The following DSCAML1 variants were observed in gnomAD, a reference collection of about 807,000 sequenced individuals.
DSCAML1 encodes the protein cell adhesion molecule DSCAML1.
Under a neutral mutation model 200.5 loss-of-function variants are expected in DSCAML1, and 38 were observed. The ratio of observed to expected loss-of-function variants is 0.19; its 90% CI spans 0.15 to 0.25. DSCAML1 has a LOEUF of 0.25. Ranked by LOEUF, DSCAML1 falls within the 10% of genes least tolerant of loss-of-function variation. The pLI, the probability that DSCAML1 is intolerant of heterozygous loss-of-function variation, is 1.00. For missense variants in DSCAML1, 2,223 were observed against 2,858.8 expected (o/e 0.78, Z 5.07); for synonymous variants, 1,215 against 1,165.0 (o/e 1.04, Z -0.87).
chr11:117,565,380 C>T (rs1940037), intron 3 of DSCAML1, among the ~76,000 whole-genome samples: 43,428 of 152,088 alleles, frequency 0.29, 6,405 homozygotes, highest in African/African-American at 0.31. Flanking sequence ...CTGTAAACTC[C>T]AGTGACCCTA....
chr11:117,592,760 A>T (rs749047119), intron 3 of DSCAML1, among the ~76,000 whole-genome samples: 4 of 152,208 alleles, frequency 2.6e-5, no homozygotes, highest in Non-Finnish European at 5.9e-5. Flanking sequence ...AGGCATACAG[A>T]GGTGATTCCA....
In DSCAML1 at chr11:117,440,835, C is replaced by T. The variant is rs147748451; in HGVS notation, c.3863-899G>A. Among the ~76,000 whole-genome samples the T allele has an allele frequency of 7.4e-3, 1,067 of 144,944 alleles. 17 individuals carry two copies. Among genetic ancestry groups the T allele is most frequent in the African/African-American group, 0.026 (1,003 of 38,670 alleles). On this transcript the variant is annotated intron_variant, in intron 21 of 32. Coordinates refer to ENST00000651296, the MANE Select transcript of DSCAML1 (RefSeq NM_020693.4). Reference sequence around the variant, plus strand: ...ACTCGGGAGGCTGAGGCGAGAGAATCGCTTGAACCTGGGAGGTGGAGGTTG... The same window carrying T: ...ACTCGGGAGGCTGAGGCGAGAGAATTGCTTGAACCTGGGAGGTGGAGGTTG...
At chr11:117,752,888 C>T (rs1372368829) in intron 3 of DSCAML1, among the ~76,000 whole-genome samples, 2 of 152,212 alleles carry the variant, frequency 1.3e-5, no homozygotes, top group African/African-American at 2.4e-5. Context: ...AGAGCCTGCG[C>T]ACAGGGGTGC....
intron 3 of DSCAML1, among the ~76,000 whole-genome samples, chr11:117,743,893 C>T (rs1048280106): frequency 1.3e-5 from 2 of 152,180 alleles, no homozygotes; most frequent in African/African-American, 2.4e-5. Flanking sequence ...GAGGAAAACT[C>T]GTCTATAAAC....
chr11:117,447,805 C>T (rs528681389), intron 20 of DSCAML1, among the ~76,000 whole-genome samples: 2 of 152,230 alleles, frequency 1.3e-5, no homozygotes, highest in African/African-American at 4.8e-5. Context: ...CAGTTTTGCA[C>T]TGTCACTGAT....
chr11:117,697,570 G>A (rs1372792251), intron 3 of DSCAML1, among the ~76,000 whole-genome samples: 3 of 152,022 alleles, frequency 2.0e-5, no homozygotes, highest in African/African-American at 7.3e-5. Context: ...ATGAAACTCT[G>A]TACCCATTAA....
chr11:117,504,824 G>A lies in DSCAML1; in HGVS notation c.2182+100C>T, dbSNP rs1034404198. On this transcript the variant is annotated intron_variant, in intron 10 of 32. Coordinates refer to ENST00000651296, the MANE Select transcript of DSCAML1 (RefSeq NM_020693.4). This position sits in a 1 kb window ranked among gnomAD's most constrained non-coding sequence, Gnocchi z 5.0. ...GCAGACCAGAGGACTCCCATCCAGG[G>A]ATAGGAGTTGCCTGCATGGAACAGG... 2 of 1,454,636 alleles carry A rather than the reference G, an allele frequency of 1.4e-6. No individual in the cohort carries two copies. The allele number at this position is 1,454,636 out of a possible 1,614,324, so 90.1% of individuals were successfully genotyped here. A position where few individuals can be genotyped will look rare whatever the true frequency, so the allele number is the denominator to read the frequency against.
chr11:117,495,219 A>G (rs540713068), intron 11 of DSCAML1, among the ~76,000 whole-genome samples: 2 of 152,234 alleles, frequency 1.3e-5, no homozygotes, highest in East Asian at 3.9e-4. Flanking sequence ...TCCCAGCCCC[A>G]AAGGCCCCAG....
In DSCAML1 at chr11:117,780,955, T is replaced by C. The variant is rs1342261581; in HGVS notation, c.47-145A>G. 1.6e-5 allele frequency: 9 copies of C among 570,328 alleles called. No homozygotes were observed. Among genetic ancestry groups the C allele is most frequent in the Non-Finnish European group, 2.2e-5 (8 of 371,566 alleles). The allele number at this position is 570,328 out of a possible 1,614,324, so 35.3% of individuals were successfully genotyped here. On this transcript the variant is annotated intron_variant, in intron 1 of 32. Transcript: ENST00000651296. The surrounding 1 kb of genome is among the most constrained non-coding windows in gnomAD (Gnocchi z 4.8). Reference sequence around the variant, plus strand: ...GTATGCACTTATTGAGCACTGACTATACACCAGGCACTGGCAAAGGTGAAT... The same window carrying C: ...GTATGCACTTATTGAGCACTGACTACACACCAGGCACTGGCAAAGGTGAAT...
intron 3 of DSCAML1, among the ~76,000 whole-genome samples, chr11:117,693,988 T>C (rs2053541397): frequency 6.6e-6 from 1 of 151,488 alleles, no homozygotes; most frequent in Non-Finnish European, 1.5e-5. Context: ...CAGGTTCTTT[T>C]CTCAGTGAAG....
At chr11:117,576,999 A>T (rs549202240) in intron 3 of DSCAML1, among the ~76,000 whole-genome samples, 102 of 152,294 alleles carry the variant, frequency 6.7e-4, no homozygotes, top group Non-Finnish European at 1.1e-3. Flanking sequence ...TGAGAATTTA[A>T]TTTCTTCTTC....
At chr11:117,433,041 TG>T in intron 29 of DSCAML1, 96 bp downstream of exon 29, 2 of 1,062,152 alleles carry the variant, frequency 1.9e-6, no homozygotes, top group Non-Finnish European at 2.9e-6. Flanking sequence ...GCCAGAACCC[TG>T]GGCACTGCCA....
intron 1 of DSCAML1, among the ~76,000 whole-genome samples, chr11:117,794,311 C>T (rs2055532751): frequency 6.6e-6 from 1 of 152,150 alleles, no homozygotes; most frequent in Non-Finnish European, 1.5e-5. Flanking sequence ...GAGAGCGCCT[C>T]GCCGGGGTTC....
intron 16 of DSCAML1, among the ~76,000 whole-genome samples, chr11:117,465,873 G>C (rs1028258209): frequency 5.3e-5 from 8 of 152,278 alleles, no homozygotes; most frequent in Admixed American, 5.2e-4. Context: ...TGAGCAATTA[G>C]TTTGAATAAA....
chr11:117,593,143 C>G (rs974671480), intron 3 of DSCAML1, among the ~76,000 whole-genome samples: 7 of 152,092 alleles, frequency 4.6e-5, no homozygotes, highest in Non-Finnish European at 8.8e-5. Context: ...ATAGGCCCAG[C>G]TCCTCCATCC....
intron 11 of DSCAML1, among the ~76,000 whole-genome samples, chr11:117,487,259 TTTAGATGTATGGAGTTAAATAGAATATA>T (rs1448811484): frequency 1.3e-5 from 2 of 152,118 alleles, no homozygotes; most frequent in Non-Finnish European, 2.9e-5. Flanking sequence ...CTGTTAATAT[TTTAGATGTATGGAGTTAAATAGAATATA>T]CTATTATAAT....
At chr11:117,784,893 T>C (rs1048186098) in intron 1 of DSCAML1, among the ~76,000 whole-genome samples, 69 of 152,274 alleles carry the variant, frequency 4.5e-4, no homozygotes, top group African/African-American at 1.6e-3. Flanking sequence ...ATATGCGAGA[T>C]AGGGATTGTT....
At chr11:117,614,459 A>C (rs550031975) in intron 3 of DSCAML1, among the ~76,000 whole-genome samples, 1 of 152,250 alleles carries the variant, frequency 6.6e-6, no homozygotes, top group African/African-American at 2.4e-5. Context: ...GGTGATTCTA[A>C]CGTAAAGCCA....
At position 117,470,084 on chromosome 11, in the gene DSCAML1, G is replaced by A. The variant is rs533405694; in HGVS notation, c.2954-104C>T. 15 of 1,088,278 alleles carry A rather than the reference G, an allele frequency of 1.4e-5. No homozygotes were observed. The African/African-American group carries it at 1.6e-4, about 11-fold the overall frequency. The allele number at this position is 1,088,278 out of a possible 1,614,324, so 67.4% of individuals were successfully genotyped here. ...CCTCCTGAGCTGGAGGGCTCCTGGG[G>A]AGAAGACTAAGCTCAGATGCAGATA... On this transcript the variant is annotated intron_variant, in intron 15 of 32. Coordinates refer to ENST00000651296, the MANE Select transcript of DSCAML1 (RefSeq NM_020693.4).
Sources: gnomAD v4.1 joint callset for allele counts (sites outside exome capture counted in the v4.1 genomes callset) on GRCh38, gnomAD v4.1.1 for gene constraint, Gnocchi (gnomAD v3.1) non-coding constraint, MANE v1.5 for transcripts, NCBI Gene and HGNC (gene_info 2026-07-23, HGNC 2026-07-21) for gene names.